SMARCAD1: variants seen among roughly 807,000 people sequenced by gnomAD.
SMARCAD1 encodes the protein SWI/SNF-related matrix-associated actin-dependent regulator of chromatin subfamily A containing DEAD/H box 1.
A neutral mutation model predicts 127.1 loss-of-function variants in SMARCAD1; 25 were observed. That is an observed-to-expected ratio of 0.20 (90% confidence interval 0.14 to 0.27). The LOEUF is 0.27. Among genes scored for constraint, SMARCAD1 ranks in the 10% least tolerant of loss-of-function variants. The pLI is 1.00. For synonymous variants in SMARCAD1, 400 were observed against 396.9 expected (o/e 1.01, Z -0.09); for missense variants, 807 against 1,206.0 (o/e 0.67, Z 4.90).
intron 3 of SMARCAD1, among the ~76,000 whole-genome samples, chr4:94,231,342 G>T (rs954672816): frequency 7.9e-5 from 12 of 152,322 alleles, no homozygotes; most frequent in African/African-American, 2.9e-4. Context: ...TGTAGATGTA[G>T]AAAGGGCTAG....
At chr4:94,286,247 T>C (rs1388980819) in intron 23 of SMARCAD1, among the ~76,000 whole-genome samples, 1 of 152,206 alleles carries the variant, frequency 6.6e-6, no homozygotes, top group African/African-American at 2.4e-5. Flanking sequence ...ATAGTTAATC[T>C]GCCTGTTTTC....
chr4:94,274,417 C>G (rs1374735130), intron 12 of SMARCAD1, among the ~76,000 whole-genome samples: 1 of 152,122 alleles, frequency 6.6e-6, no homozygotes, highest in East Asian at 1.9e-4. Flanking sequence ...CCTCCGCCTC[C>G]CAGGTTCTCG....
intron 5 of SMARCAD1, among the ~76,000 whole-genome samples, chr4:94,239,875 G>C (rs780956982): frequency 9.2e-5 from 14 of 152,084 alleles, no homozygotes; most frequent in Non-Finnish European, 1.8e-4. Context: ...CCTGGCTTCT[G>C]TTCTGTTCTT....
chr4:94,218,212 T>G (rs569738868), intron 2 of SMARCAD1, among the ~76,000 whole-genome samples: 1 of 152,324 alleles, frequency 6.6e-6, no homozygotes, highest in East Asian at 1.9e-4. Context: ...TCCTTTAGGT[T>G]TAACGCTTTT....
At position 94,226,071 on chromosome 4, in the gene SMARCAD1, C is replaced by T. The variant is rs748713054; in HGVS notation, c.191-48C>T. The T allele has an allele frequency of 4.2e-6, 6 of 1,436,254 alleles. No individual in the cohort carries two copies. In the African/African-American group the frequency reaches 5.6e-5, roughly 13 times the overall value. 89.0% of individuals were successfully genotyped at this position (1,436,254 alleles called of 1,614,324 possible). A position where few individuals can be genotyped will look rare whatever the true frequency, so the allele number is the denominator to read the frequency against. ...ACATGATTATAACTAACAACAGATTCGTTTTCCAGTTGCTCAAAATATTTT... is the reference window on the plus strand; with the variant it reads ...ACATGATTATAACTAACAACAGATTTGTTTTCCAGTTGCTCAAAATATTTT... On this transcript the variant is annotated intron_variant, in intron 2 of 23. Transcript: ENST00000354268.
chr4:94,284,981 A>G lies in SMARCAD1; in HGVS notation c.2931A>G (p.Leu977=), dbSNP rs758096718. Residue 977 remains leucine (L), a synonymous_variant, in exon 23 of 24, where the codon CTA becomes CTG. Coordinates refer to ENST00000354268, the MANE Select transcript of SMARCAD1 (RefSeq NM_020159.5). ...TTAGAGAAGTACTAGTTATAAAACT[A>G]ATAAGCCAAGGGACGATTGAAGAAT... ...GQTKEVLVIK[L]ISQGTIEESM... 2.5e-6 allele frequency: 4 copies of G among 1,611,546 alleles called. No homozygotes were observed. In the East Asian group the frequency reaches 6.7e-5, roughly 27 times the overall value.
intron 10 of SMARCAD1, among the ~76,000 whole-genome samples, chr4:94,270,223 C>A (rs1168734159): frequency 1.3e-5 from 2 of 152,000 alleles, no homozygotes; most frequent in African/African-American, 4.8e-5. Flanking sequence ...ATAATACACA[C>A]ATAAATGCGT....
intron 9 of SMARCAD1, chr4:94,253,725 T>C: frequency 2.0e-6 from 2 of 978,040 alleles, no homozygotes; most frequent in Non-Finnish European, 2.4e-6. Context: ...ATAAACAGGT[T>C]GTATACAGAA....
At position 94,236,870 on chromosome 4, in the gene SMARCAD1, ATGTT is replaced by A. The variant is rs568739008; in HGVS notation, c.538-77_538-74del. On this transcript the variant is annotated intron_variant, in intron 4 of 23. Transcript: ENST00000354268. ...CTTTCCTGTCATGTTTATATTTAAT[ATGTT>A]TGTTCTTAAATATTTCAGTAACTGA... 242 of 1,060,520 alleles carry A rather than the reference ATGTT, an allele frequency of 2.3e-4. 1 individual carries two copies. In the Middle Eastern group the frequency reaches 3.9e-3, roughly 17 times the overall value. 65.7% of individuals were successfully genotyped at this position (1,060,520 alleles called of 1,614,324 possible).
At chr4:94,273,816 C>T in intron 12 of SMARCAD1, 100 bp downstream of exon 12, 1 of 907,064 alleles carries the variant, frequency 1.1e-6, no homozygotes, top group Non-Finnish European at 1.8e-6. Context: ...GTTGTGGTTT[C>T]TTAGTTTGTA....
intron 8 of SMARCAD1, among the ~76,000 whole-genome samples, chr4:94,251,085 T>G (rs550102575): frequency 9.6e-4 from 146 of 152,328 alleles, no homozygotes; most frequent in African/African-American, 3.2e-3. Flanking sequence ...TCTTAATAGT[T>G]AAGGCTACTT....
chr4:94,208,508 T>C lies in SMARCAD1; in HGVS notation c.114T>C (p.Leu38=). The C allele has an allele frequency of 6.2e-7, 1 of 1,614,062 alleles. No individual in the cohort carries two copies. Among genetic ancestry groups the C allele is most frequent in the South Asian group, 1.1e-5 (1 of 91,072 alleles). ...SQPGPSSPIS[L]SAEEENAEGE... Reference sequence around the variant, plus strand: ...CTGGCCCTTCTTCACCAATTTCTCTTAGTGCTGAAGAGGAGAATGCTGAAG... The same window carrying C: ...CTGGCCCTTCTTCACCAATTTCTCTCAGTGCTGAAGAGGAGAATGCTGAAG... The change falls in exon 2 of 24, where the codon CTT becomes CTC. Residue 38 remains leucine (L), a synonymous_variant. Coordinates refer to ENST00000354268, the MANE Select transcript of SMARCAD1 (RefSeq NM_020159.5).
chr4:94,224,410 A>G (rs1355926167), intron 2 of SMARCAD1, among the ~76,000 whole-genome samples: 2 of 152,196 alleles, frequency 1.3e-5, no homozygotes, highest in Non-Finnish European at 1.5e-5. Context: ...GAATATTTGC[A>G]TATACATAAT....
At chr4:94,236,506 A>C (rs1579114765) in intron 4 of SMARCAD1, among the ~76,000 whole-genome samples, 1 of 152,030 alleles carries the variant, frequency 6.6e-6, no homozygotes, top group African/African-American at 2.4e-5. Context: ...TTTTTCCCCT[A>C]GAAATTAAAA....
intron 10 of SMARCAD1, among the ~76,000 whole-genome samples, chr4:94,266,467 A>G (rs1315540243): frequency 1.3e-5 from 2 of 152,110 alleles, no homozygotes; most frequent in African/African-American, 4.8e-5. Flanking sequence ...GTTGGATCTT[A>G]TCCAAAGTAC....
intron 4 of SMARCAD1, 150 bp downstream of exon 4, chr4:94,234,272 T>C: frequency 1.3e-6 from 1 of 754,934 alleles, no homozygotes; most frequent in Non-Finnish European, 2.1e-6. Context: ...TGCCAGACAT[T>C]TATTTATTGA....
At chr4:94,275,999 G>T (rs545956599) in intron 14 of SMARCAD1, among the ~76,000 whole-genome samples, 1 of 151,756 alleles carries the variant, frequency 6.6e-6, no homozygotes, top group Non-Finnish European at 1.5e-5. Flanking sequence ...GGGTTTCACC[G>T]TGTTAGCCAG....
chr4:94,208,325 C>G lies in SMARCAD1; in HGVS notation c.-49-21C>G, dbSNP rs1321015007. ...TATTGTTTTCATGGCCTTTTTTCCT[C>G]TCTTTATTTTTCCCCTGCAGATAGT... is the stretch of plus-strand genomic sequence containing the variant. On this transcript the variant is annotated intron_variant, in intron 1 of 23. Coordinates refer to ENST00000354268, the MANE Select transcript of SMARCAD1 (RefSeq NM_020159.5). The G allele has an allele frequency of 2.6e-6, 4 of 1,517,050 alleles. No homozygotes were observed. In the South Asian group the frequency reaches 4.5e-5, roughly 17 times the overall value. The allele number at this position is 1,517,050 out of a possible 1,614,324, so 94.0% of individuals were successfully genotyped here. A position where few individuals can be genotyped will look rare whatever the true frequency, so the allele number is the denominator to read the frequency against.
chr4:94,266,155 TCTC>T lies in SMARCAD1; in HGVS notation c.1481+1252_1481+1254del, dbSNP rs551973186. 3.5e-3 allele frequency among the ~76,000 whole-genome samples: 538 copies of T among 152,180 alleles called. 2 individuals are homozygous for T. In the Middle Eastern group the frequency reaches 0.054, roughly 15 times the overall value. On this transcript the variant is annotated intron_variant, in intron 10 of 23. Coordinates refer to ENST00000354268, the MANE Select transcript of SMARCAD1 (RefSeq NM_020159.5). The stretch of plus-strand genomic sequence containing the variant: ...GAAAGAACTATATCAGCAAATTTCA[TCTC>T]CTAAAAGTGTAGTTGGAGCTGCTGC...
Sources: gnomAD v4.1 joint callset for allele counts (sites outside exome capture counted in the v4.1 genomes callset) on GRCh38, gnomAD v4.1.1 for gene constraint, MANE v1.5 for transcripts, NCBI Gene and HGNC (gene_info 2026-07-23, HGNC 2026-07-21) for gene names.